Variants in CLEC16A observed in about 807,000 individuals in gnomAD.
CLEC16A encodes the protein protein CLEC16A.
In CLEC16A, 51 loss-of-function variants were observed where a neutral mutation model predicts 109.5. That is an observed-to-expected ratio of 0.47 (90% confidence interval 0.37 to 0.59). The LOEUF (loss-of-function observed/expected upper bound fraction) is 0.59, where lower values mean the gene tolerates loss of function less well. CLEC16A is among the 20% of genes least tolerant of loss of function. The probability of loss-of-function intolerance (pLI) is 0.00; values close to 1 mark genes in which losing one functional copy is unlikely to be tolerated. For synonymous variants in CLEC16A, 673 were observed against 564.2 expected (o/e 1.19, Z -2.73); for missense variants, 1,339 against 1,394.0 (o/e 0.96, Z 0.63).
intron 22 of CLEC16A, among the ~76,000 whole-genome samples, chr16:11,128,445 A>T (rs2052979821): frequency 6.6e-6 from 1 of 152,196 alleles, no homozygotes; most frequent in African/African-American, 2.4e-5. Context: ...AGCAAGTGTG[A>T]GGCTGTGCCA....
At chr16:10,952,323 A>G (rs375066970) in intron 1 of CLEC16A, among the ~76,000 whole-genome samples, 6 of 152,294 alleles carry the variant, frequency 3.9e-5, no homozygotes, top group African/African-American at 1.2e-4. Context: ...GCTAAACCCC[A>G]TCTCTACTAA....
chr16:10,972,664 A>G, intron 6 of CLEC16A, 105 bp downstream of exon 6: 5 of 1,075,118 alleles, frequency 4.7e-6, no homozygotes, highest in East Asian at 4.9e-5. Flanking sequence ...TCAGTCTGCT[A>G]CTGATAAGTA....
intron 5 of CLEC16A, among the ~76,000 whole-genome samples, chr16:10,971,771 G>C (rs966468613): frequency 2.0e-5 from 3 of 152,092 alleles, no homozygotes; most frequent in Non-Finnish European, 2.9e-5. Context: ...CCCACTCTCC[G>C]CTGCACTGAC....
At chr16:11,109,342 C>T (rs1441297645) in intron 19 of CLEC16A, among the ~76,000 whole-genome samples, 3 of 151,950 alleles carry the variant, frequency 2.0e-5, no homozygotes, top group Non-Finnish European at 2.9e-5. Flanking sequence ...TTTGTAAAGA[C>T]GAGGTCTTGC....
At chr16:11,084,481 C>T (rs917493591) in intron 19 of CLEC16A, among the ~76,000 whole-genome samples, 8 of 152,030 alleles carry the variant, frequency 5.3e-5, no homozygotes, top group Admixed American at 1.3e-4. Flanking sequence ...GGTTAGGGTC[C>T]GAGCCCACAA....
intron 10 of CLEC16A, among the ~76,000 whole-genome samples, chr16:10,985,618 TACTGTAAGATACC>T (rs1389335814): frequency 3.9e-5 from 6 of 152,118 alleles, no homozygotes; most frequent in Non-Finnish European, 8.8e-5. Flanking sequence ...CAGATTGTCT[TACTGTAAGATACC>T]CTCTGCAGTG....
At chr16:11,089,940 C>G (rs573396911) in intron 19 of CLEC16A, among the ~76,000 whole-genome samples, 25 of 152,354 alleles carry the variant, frequency 1.6e-4, no homozygotes, top group African/African-American at 5.5e-4. Flanking sequence ...GTTGGAATTC[C>G]TGCCTCCTTC....
intron 22 of CLEC16A, among the ~76,000 whole-genome samples, chr16:11,141,673 G>T (rs902538843): frequency 6.6e-6 from 1 of 152,244 alleles, no homozygotes; most frequent in Non-Finnish European, 1.5e-5. Flanking sequence ...CGGGGCCACT[G>T]GGGTCCCACC....
At chr16:11,165,974 C>T (rs1215993479) in intron 22 of CLEC16A, among the ~76,000 whole-genome samples, 9 of 152,220 alleles carry the variant, frequency 5.9e-5, no homozygotes, top group Admixed American at 5.2e-4. Flanking sequence ...GACTTCAGAG[C>T]ATGGGTCCGG....
intron 19 of CLEC16A, among the ~76,000 whole-genome samples, chr16:11,113,228 C>T (rs1269383086): frequency 2.6e-5 from 4 of 152,228 alleles, no homozygotes; most frequent in African/African-American, 7.2e-5. Context: ...TGGCCAGCAG[C>T]TTGGCCTAGT....
intron 7 of CLEC16A, among the ~76,000 whole-genome samples, chr16:10,973,377 C>T (rs1286960211): frequency 6.6e-6 from 1 of 152,094 alleles, no homozygotes; most frequent in Non-Finnish European, 1.5e-5. Flanking sequence ...TCTGTCTGTA[C>T]GATGGAATAG....
chr16:11,156,917 G>GCCCCCCCCCCCCCCCC (rs60216625), intron 22 of CLEC16A, among the ~76,000 whole-genome samples: 1 of 77,304 alleles, frequency 1.3e-5, no homozygotes, highest in Non-Finnish European at 2.7e-5. Context: ...CCAAATGCCC[G>GCCCCCCCCCCCCCCCC]CCCCCCCCCC....
At chr16:11,039,637 C>A (rs2047210500) in intron 13 of CLEC16A, 117 bp from the exon 14 acceptor site, 2 of 1,186,878 alleles carry the variant, frequency 1.7e-6, no homozygotes, top group Admixed American at 3.2e-5. Flanking sequence ...GAAAAGAAAT[C>A]ACCAAGAGGG....
chr16:11,047,390 C>G, intron 17 of CLEC16A, 48 bp downstream of exon 17: 2 of 1,462,390 alleles, frequency 1.4e-6, no homozygotes, highest in Non-Finnish European at 1.8e-6. Flanking sequence ...GCCTGTGTCC[C>G]TGCCAAGCTC....
intron 19 of CLEC16A, among the ~76,000 whole-genome samples, chr16:11,085,316 T>C (rs2049951508): frequency 6.6e-6 from 1 of 152,262 alleles, no homozygotes; most frequent in Non-Finnish European, 1.5e-5. Context: ...ATCTGTGGCT[T>C]ATAAGAAACA....
At chr16:11,040,129 C>T (rs1053159489) in intron 14 of CLEC16A, 7 of 457,480 alleles carry the variant, frequency 1.5e-5, no homozygotes, top group Middle Eastern at 5.7e-4. Context: ...TTCCACACCC[C>T]GCCCTTCTTT....
intron 1 of CLEC16A, among the ~76,000 whole-genome samples, chr16:10,946,741 G>A (rs1414418659): frequency 3.9e-5 from 6 of 152,144 alleles, no homozygotes; most frequent in Admixed American, 6.5e-5. Flanking sequence ...TCTGTACCAG[G>A]TATTTGCTAA....
In CLEC16A at chr16:11,073,073, C is replaced by T. The variant is rs537715463; in HGVS notation, c.2116+12051C>T. ...CATCCAGGCATGGGCCCTGGAGAAG[C>T]GGTTTGCTTAGTGCTGACTCTGAAG... On this transcript the variant is annotated intron_variant, in intron 19 of 23. Transcript: ENST00000409790. Among the ~76,000 whole-genome samples the T allele has an allele frequency of 1.5e-4, 23 of 152,296 alleles. No homozygotes were observed. In the South Asian group the frequency reaches 4.6e-3, roughly 30 times the overall value.
intron 20 of CLEC16A, among the ~76,000 whole-genome samples, chr16:11,123,397 G>A (rs966330673): frequency 1.3e-5 from 2 of 152,214 alleles, no homozygotes; most frequent in East Asian, 3.8e-4. Flanking sequence ...TCAGAAGTAA[G>A]AGTTTGCCTG....
Sources: gnomAD v4.1 joint callset for allele counts (sites outside exome capture counted in the v4.1 genomes callset) on GRCh38, gnomAD v4.1.1 for gene constraint, MANE v1.5 for transcripts, NCBI Gene and HGNC (gene_info 2026-07-23, HGNC 2026-07-21) for gene names.